ODAD2: variants seen among roughly 807,000 people sequenced by gnomAD.
ODAD2 encodes outer dynein arm docking complex subunit 2.
A neutral mutation model predicts 106.8 loss-of-function variants in ODAD2; 89 were observed. That is an observed-to-expected ratio of 0.83 (90% CI 0.70 to 0.99). The LOEUF (loss-of-function observed/expected upper bound fraction) is 0.99. Among genes scored for constraint, ODAD2 ranks in the 50% least tolerant of loss-of-function variants. The pLI, the probability that ODAD2 is intolerant of heterozygous loss-of-function variation, is 0.00. For synonymous variants in ODAD2, 404 were observed against 436.2 expected (o/e 0.93, Z 0.92); for missense variants, 1,168 against 1,238.5 (o/e 0.94, Z 0.85).
intron 16 of ODAD2, among the ~76,000 whole-genome samples, chr10:27,916,221 G>A (rs762580843): frequency 2.0e-5 from 3 of 152,128 alleles, no homozygotes; most frequent in Non-Finnish European, 4.4e-5. Context: ...TGAGCAGGGT[G>A]AGGAGGGCAG....
At chr10:27,830,198 C>T (rs547146216) in intron 19 of ODAD2, among the ~76,000 whole-genome samples, 3 of 152,318 alleles carry the variant, frequency 2.0e-5, no homozygotes, top group South Asian at 2.1e-4. Context: ...GGTCTCCTCA[C>T]CTCCTGGTTT....
chr10:27,936,108 T>A (rs929341101), intron 15 of ODAD2, among the ~76,000 whole-genome samples: 1 of 152,142 alleles, frequency 6.6e-6, no homozygotes, highest in Non-Finnish European at 1.5e-5. Context: ...GGTCGGGACG[T>A]GAATCTCTTG....
chr10:27,964,532 T>C (rs952507309), intron 9 of ODAD2, among the ~76,000 whole-genome samples: 1 of 152,220 alleles, frequency 6.6e-6, no homozygotes, highest in East Asian at 1.9e-4. Context: ...GTGAATGCTA[T>C]TGAAGAATGC....
chr10:27,828,590 T>C lies in ODAD2; in HGVS notation c.3022-15965A>G, dbSNP rs181107590. On this transcript the variant is annotated intron_variant, in intron 19 of 19. Transcript: ENST00000305242. ...CAAAGGCAAATCCATCTGAGTAATA[T>C]CCCTACTTAATGCAGACATATGGTT... Among the ~76,000 whole-genome samples the C allele has an allele frequency of 2.1e-3, 325 of 152,294 alleles. 2 individuals are homozygous for C. The highest frequency in any genetic ancestry group is 3.9e-3 in the African/African-American group (163 of 41,564).
At chr10:27,993,974 A>ATATGTGTGTGTGTG (rs369833558) in intron 2 of ODAD2, among the ~76,000 whole-genome samples, 3 of 140,546 alleles carry the variant, frequency 2.1e-5, no homozygotes, top group Admixed American at 1.4e-4. Context: ...ATATATATAT[A>ATATGTGTGTGTGTG]TGTGTGTGTG....
chr10:27,955,640 A>G (rs990349903), intron 10 of ODAD2, among the ~76,000 whole-genome samples: 29 of 152,058 alleles, frequency 1.9e-4, no homozygotes, highest in African/African-American at 7.0e-4. Context: ...AAATTCCTAC[A>G]ACAAAAACTC....
At chr10:27,952,922 G>A (rs1158616904) in intron 10 of ODAD2, among the ~76,000 whole-genome samples, 2 of 151,988 alleles carry the variant, frequency 1.3e-5, no homozygotes, top group African/African-American at 4.8e-5. Flanking sequence ...TGTTTAAATT[G>A]AAAATTTTTT....
At chr10:27,894,825 C>G (rs1394501423) in intron 17 of ODAD2, among the ~76,000 whole-genome samples, 1 of 152,070 alleles carries the variant, frequency 6.6e-6, no homozygotes, top group Non-Finnish European at 1.5e-5. Flanking sequence ...CTTGGCCTCT[C>G]AAGTTCTGGG....
At chr10:27,861,310 G>T (rs1208189660) in intron 18 of ODAD2, among the ~76,000 whole-genome samples, 1 of 152,122 alleles carries the variant, frequency 6.6e-6, no homozygotes, top group Non-Finnish European at 1.5e-5. Context: ...TAGACTTTTG[G>T]TGGGTCACCA....
At chr10:27,991,847 A>C (rs1850257290) in intron 2 of ODAD2, among the ~76,000 whole-genome samples, 1 of 152,194 alleles carries the variant, frequency 6.6e-6, no homozygotes, top group Non-Finnish European at 1.5e-5. Flanking sequence ...GTCTGGAAGG[A>C]AAGTAGCTTC....
chr10:27,984,010 G>T, intron 5 of ODAD2, 31 bp from the exon 6 acceptor site: 1 of 1,599,330 alleles, frequency 6.3e-7, no homozygotes, highest in East Asian at 2.2e-5. Flanking sequence ...ATTAACAGGA[G>T]TTCCTTAACC....
chr10:27,954,195 GA>G (rs1371774070), intron 10 of ODAD2, among the ~76,000 whole-genome samples: 2 of 152,096 alleles, frequency 1.3e-5, no homozygotes, highest in Non-Finnish European at 2.9e-5. Context: ...TTTTAAAACA[GA>G]AAGCAAAGCA....
chr10:27,976,592 A>C (rs1849204549), intron 7 of ODAD2, among the ~76,000 whole-genome samples: 1 of 152,216 alleles, frequency 6.6e-6, no homozygotes, highest in African/African-American at 2.4e-5. Flanking sequence ...GAGAGAATTT[A>C]ACTAAGACCT....
chr10:27,896,921 A>G (rs1193233569), intron 17 of ODAD2, among the ~76,000 whole-genome samples: 1 of 151,174 alleles, frequency 6.6e-6, no homozygotes, highest in Non-Finnish European at 1.5e-5. Context: ...TTTTTCCTCT[A>G]TTTCCTCCCC....
chr10:27,852,919 C>T (rs555848614), intron 19 of ODAD2, among the ~76,000 whole-genome samples: 1 of 144,328 alleles, frequency 6.9e-6, no homozygotes, highest in Admixed American at 6.9e-5. Context: ...TGAGATCGCG[C>T]CGTTGCACTC....
At chr10:27,964,209 A>T (rs1168104297) in intron 9 of ODAD2, among the ~76,000 whole-genome samples, 1 of 152,138 alleles carries the variant, frequency 6.6e-6, no homozygotes, top group African/African-American at 2.4e-5. Context: ...ATGACACAGC[A>T]ACACTCTGTA....
At chr10:27,885,939 A>T (rs887692027) in intron 17 of ODAD2, among the ~76,000 whole-genome samples, 11 of 134,258 alleles carry the variant, frequency 8.2e-5, no homozygotes, top group African/African-American at 3.1e-4. Context: ...ATCCAAACAA[A>T]TTCTGGAACT....
intron 19 of ODAD2, among the ~76,000 whole-genome samples, chr10:27,858,938 G>C (rs1839850651): frequency 1.3e-5 from 2 of 151,642 alleles, no homozygotes; most frequent in Admixed American, 1.3e-4. Flanking sequence ...CGAGTAGCTG[G>C]GACTACAGGT....
rs763192563 is a variant in ODAD2 at position 27,944,996 on chromosome 10, A to G, written c.1387-34T>C. 6.2e-6 allele frequency: 10 copies of G among 1,611,036 alleles called. No individual in the cohort carries two copies. In the African/African-American group the frequency reaches 1.3e-4, roughly 22 times the overall value. On this transcript the variant is annotated intron_variant, in intron 10 of 19. Transcript: ENST00000305242. ...ATGCAATGCCAGAGAAAGGTTAAGGAACACCGCATTCCCATAGAAATGCAC... is the reference window on the plus strand; with the variant it reads ...ATGCAATGCCAGAGAAAGGTTAAGGGACACCGCATTCCCATAGAAATGCAC...
Sources: allele counts gnomAD v4.1 joint callset (sites outside exome capture counted in the v4.1 genomes callset), GRCh38; gene constraint gnomAD v4.1.1; transcripts MANE v1.5; gene names NCBI Gene and HGNC (gene_info 2026-07-23, HGNC 2026-07-21).